ZNRF1: variants seen among roughly 807,000 people sequenced by gnomAD.
The protein encoded by ZNRF1 is E3 ubiquitin-protein ligase ZNRF1.
A neutral mutation model predicts 18.4 loss-of-function variants in ZNRF1; 3 were observed. That is an observed-to-expected ratio of 0.16 (90% CI 0.07 to 0.42). ZNRF1 has a LOEUF of 0.42. Among genes scored for constraint, ZNRF1 ranks in the 10% least tolerant of loss-of-function variants. ZNRF1 has a pLI of 0.99. For missense variants in ZNRF1, 310 were observed against 329.8 expected (o/e 0.94, Z 0.47); for synonymous variants, 157 against 144.2 (o/e 1.09, Z -0.64).
chr16:75,023,544 C>T (rs1043183536), intron 1 of ZNRF1, among the ~76,000 whole-genome samples: 5 of 152,040 alleles, frequency 3.3e-5, no homozygotes, highest in Non-Finnish European at 5.9e-5. Flanking sequence ...ATTAGTTGGG[C>T]GTGGTGGCAG....
intron 1 of ZNRF1, among the ~76,000 whole-genome samples, chr16:75,022,078 T>G (rs766881746): frequency 1.3e-4 from 20 of 152,270 alleles, no homozygotes; most frequent in Non-Finnish European, 2.5e-4. Flanking sequence ...CGTCCATCCA[T>G]CCGTCTCGCT....
At chr16:75,008,028 G>T (rs1018720634) in intron 1 of ZNRF1, among the ~76,000 whole-genome samples, 1 of 152,028 alleles carries the variant, frequency 6.6e-6, no homozygotes. Context: ...ACCATGACCA[G>T]ATAATTTTTT....
At chr16:75,070,734 C>G (rs1018047661) in intron 1 of ZNRF1, among the ~76,000 whole-genome samples, 2 of 152,108 alleles carry the variant, frequency 1.3e-5, no homozygotes, top group Non-Finnish European at 2.9e-5. Context: ...ACAGCGTGGA[C>G]TTGCCTTGCC....
intron 1 of ZNRF1, among the ~76,000 whole-genome samples, chr16:75,091,532 C>CTTTTTT (rs577306133): frequency 1.5e-5 from 2 of 129,122 alleles, no homozygotes; most frequent in East Asian, 2.2e-4. Context: ...CTGCATATAA[C>CTTTTTT]TTTTTTTTTT....
chr16:75,021,111 G>C (rs1278597839), intron 1 of ZNRF1, among the ~76,000 whole-genome samples: 1 of 152,174 alleles, frequency 6.6e-6, no homozygotes, highest in African/African-American at 2.4e-5. Context: ...GGCGGTCTCA[G>C]CTCAGTGCAA....
chr16:75,106,549 T>C lies in ZNRF1; in HGVS notation c.*10T>C. On this transcript the variant is annotated 3_prime_UTR_variant, in exon 4 of 5. Coordinates refer to ENST00000335325, the MANE Select transcript of ZNRF1 (RefSeq NM_032268.5). ...ACACCCTGCGGACTGACCTGCGGGC[T>C]TGCTTGCTGACTCCTCTCAAAGGTG... 6.2e-7 allele frequency: 1 copy of C among 1,614,084 alleles called. No homozygotes were observed. Among genetic ancestry groups the C allele is most frequent in the South Asian group, 1.1e-5 (1 of 91,086 alleles).
chr16:75,106,149 G>A (rs905791721), intron 3 of ZNRF1: 18 of 284,650 alleles, frequency 6.3e-5, no homozygotes, highest in East Asian at 2.3e-4. Flanking sequence ...GGGGTCCACC[G>A]CTCTCACCTT....
rs1284175850 is a variant in ZNRF1 at position 74,999,600 on chromosome 16, C to G, written c.-72C>G. On this transcript the variant is annotated 5_prime_UTR_variant, in exon 1 of 5. Transcript: ENST00000335325. ...CCTCCCCCTTTATGCTCGCCCAGCC[C>G]TCCCCCTGCTGCTGAGAAGTGGGGG... The G allele has an allele frequency of 7.9e-6, 9 of 1,144,722 alleles. No homozygotes were observed. The highest frequency in any genetic ancestry group is 1.6e-5 in the African/African-American group (1 of 62,012). The allele number at this position is 1,144,722 out of a possible 1,614,324, so 70.9% of individuals were successfully genotyped here. A position where few individuals can be genotyped will look rare whatever the true frequency, so the allele number is the denominator to read the frequency against.
rs1263407680 is a variant in ZNRF1 at position 75,010,711 on chromosome 16, GTTTTTTTGTTTTT to G, written c.424+10624_424+10636del. On this transcript the variant is annotated intron_variant, in intron 1 of 4. Coordinates refer to ENST00000335325, the MANE Select transcript of ZNRF1 (RefSeq NM_032268.5). The stretch of plus-strand genomic sequence containing the variant: ...CCTCTGTACTGTACTGTTTTTTTTT[GTTTTTTTGTTTTT>G]TTTTTTTTGAGGAGTCTCGCTCTGT... Among the ~76,000 whole-genome samples, 471 of 74,348 alleles carry G rather than the reference GTTTTTTTGTTTTT, an allele frequency of 6.3e-3. 12 individuals are homozygous for G. The highest frequency in any genetic ancestry group is 0.017 in the African/African-American group (446 of 25,802). The allele number at this position is 74,348 out of a possible 152,430, so 48.8% of individuals were successfully genotyped here.
chr16:75,044,104 T>A (rs138919118), intron 1 of ZNRF1, among the ~76,000 whole-genome samples: 12 of 152,176 alleles, frequency 7.9e-5, no homozygotes, highest in Non-Finnish European at 1.5e-4. Flanking sequence ...TGAGCCACCA[T>A]GCCCAGCTGC....
chr16:75,009,256 C>A (rs1319481714), intron 1 of ZNRF1, among the ~76,000 whole-genome samples: 1 of 152,150 alleles, frequency 6.6e-6, no homozygotes, highest in Non-Finnish European at 1.5e-5. Flanking sequence ...TCCCCCACCT[C>A]CCCAGTTTTG....
chr16:75,032,171 A>G (rs548087851), intron 1 of ZNRF1, among the ~76,000 whole-genome samples: 24 of 129,892 alleles, frequency 1.8e-4, no homozygotes, highest in Admixed American at 1.1e-3. Flanking sequence ...GTGCAGTGGT[A>G]CGGTCTCAGC....
Position 75,093,814 on chromosome 16 carries a change from G to A in ZNRF1, c.520+147G>A, listed in dbSNP as rs2036168592. 24 of 626,842 alleles carry A rather than the reference G, an allele frequency of 3.8e-5. No homozygotes were observed. In the South Asian group the frequency reaches 4.0e-4, roughly 10 times the overall value. The allele number at this position is 626,842 out of a possible 1,614,324, so 38.8% of individuals were successfully genotyped here. A position where few individuals can be genotyped will look rare whatever the true frequency, so the allele number is the denominator to read the frequency against. ...TGTGCCTCAGTGGTGGTGAGGAAGT[G>A]GACTGTTCTGGGAGCCTTGCTGCTC... On this transcript the variant is annotated intron_variant, in intron 2 of 4. Coordinates refer to ENST00000335325, the MANE Select transcript of ZNRF1 (RefSeq NM_032268.5).
At chr16:75,087,025 C>G (rs1036094685) in intron 1 of ZNRF1, among the ~76,000 whole-genome samples, 7 of 152,126 alleles carry the variant, frequency 4.6e-5, no homozygotes, top group Admixed American at 3.3e-4. Context: ...GAAATCAGGT[C>G]TTAAAGGAAA....
chr16:75,082,995 A>G (rs1209403712), intron 1 of ZNRF1, among the ~76,000 whole-genome samples: 2 of 152,252 alleles, frequency 1.3e-5, no homozygotes, highest in Admixed American at 6.5e-5. Context: ...GATGTGCTAT[A>G]TAATCACATC....
chr16:75,095,365 A>C (rs1452564936), intron 2 of ZNRF1, among the ~76,000 whole-genome samples: 1 of 152,044 alleles, frequency 6.6e-6, no homozygotes, highest in Non-Finnish European at 1.5e-5. Flanking sequence ...GCTTCGCGTC[A>C]GTCCTGTCGC....
At chr16:75,073,378 A>G (rs2035898263) in intron 1 of ZNRF1, among the ~76,000 whole-genome samples, 1 of 151,644 alleles carries the variant, frequency 6.6e-6, no homozygotes, top group South Asian at 2.1e-4. Flanking sequence ...TTGACACACT[A>G]TTGCTGGTCT....
chr16:75,025,569 A>G (rs970812214), intron 1 of ZNRF1, among the ~76,000 whole-genome samples: 1 of 152,144 alleles, frequency 6.6e-6, no homozygotes, highest in East Asian at 1.9e-4. Context: ...ACCACAGGAA[A>G]GATCGTATAG....
intron 1 of ZNRF1, among the ~76,000 whole-genome samples, chr16:75,059,242 T>TTC (rs1555512396): frequency 2.8e-4 from 28 of 98,358 alleles, no homozygotes; most frequent in African/African-American, 6.2e-4. Context: ...TTTTTTTTTT[T>TTC]TTCTTTTTTT....
Sources: allele counts gnomAD v4.1 joint callset (sites outside exome capture counted in the v4.1 genomes callset), GRCh38; gene constraint gnomAD v4.1.1; transcripts MANE v1.5; gene names NCBI Gene and HGNC (gene_info 2026-07-23, HGNC 2026-07-21).